The following PPP1R9A variants were observed in gnomAD, a reference collection of about 807,000 sequenced individuals.
The protein encoded by PPP1R9A is neurabin-1.
PPP1R9A carries 59 observed loss-of-function variants against 141.9 expected under a neutral mutation model. The observed-to-expected ratio is 0.42, with a 90% CI of 0.34 to 0.52. The LOEUF is 0.52. Among genes scored for constraint, PPP1R9A ranks in the 20% least tolerant of loss-of-function variants. PPP1R9A has a pLI of 0.10. For synonymous variants in PPP1R9A, 500 were observed against 569.7 expected (o/e 0.88, Z 1.74); for missense variants, 1,444 against 1,611.9 (o/e 0.90, Z 1.78).
intron 4 of PPP1R9A, among the ~76,000 whole-genome samples, chr7:95,126,453 G>C (rs1324140297): frequency 6.6e-6 from 1 of 152,140 alleles, no homozygotes; most frequent in Non-Finnish European, 1.5e-5. Flanking sequence ...GTGCACTTTT[G>C]TTTATGGTAA....
chr7:95,064,332 G>C (rs1354977090), intron 2 of PPP1R9A, among the ~76,000 whole-genome samples: 1 of 152,144 alleles, frequency 6.6e-6, no homozygotes, highest in African/African-American at 2.4e-5. Context: ...CCTGAATGAA[G>C]CTTATTTGAT....
chr7:95,202,364 T>G (rs1037835046), intron 6 of PPP1R9A, among the ~76,000 whole-genome samples: 1 of 151,838 alleles, frequency 6.6e-6, no homozygotes, highest in Non-Finnish European at 1.5e-5. Context: ...TAAAAAAAAA[T>G]GTTAAAATGG....
chr7:94,907,949 G>A (rs988102770), intron 1 of PPP1R9A: 3 of 147,868 alleles, frequency 2.0e-5, no homozygotes, highest in Non-Finnish European at 3.0e-5. Flanking sequence ...AGCGCCTGGG[G>A]GCCGACGCGC....
chr7:95,136,608 A>C (rs1825710154), intron 4 of PPP1R9A, among the ~76,000 whole-genome samples: 1 of 152,178 alleles, frequency 6.6e-6, no homozygotes, highest in Non-Finnish European at 1.5e-5. Flanking sequence ...TGGGAAAGAG[A>C]ATGGCATATA....
rs146069229 is a variant in PPP1R9A at position 95,233,174 on chromosome 7, G to A, written c.2112+7058G>A. ...GAAAATGTGGCACATATACACCATG[G>A]AATACTATGCAGTCATAAAAAAGGA... is the stretch of plus-strand genomic sequence containing the variant. On this transcript the variant is annotated intron_variant, in intron 8 of 19. Coordinates refer to ENST00000433360, the MANE Select transcript of PPP1R9A (RefSeq NM_001166160.2). Among the ~76,000 whole-genome samples the A allele has an allele frequency of 8.4e-3, 1,274 of 152,252 alleles. 26 individuals are homozygous for A. Among genetic ancestry groups the A allele is most frequent in the African/African-American group, 0.03 (1,232 of 41,526 alleles).
chr7:95,132,396 C>A (rs1368321221), intron 4 of PPP1R9A, among the ~76,000 whole-genome samples: 1 of 152,086 alleles, frequency 6.6e-6, no homozygotes, highest in Non-Finnish European at 1.5e-5. Flanking sequence ...CATCATGAAG[C>A]AATATTAGAT....
In PPP1R9A at chr7:95,217,438, T is replaced by G. The variant is rs542076103; in HGVS notation, c.1957-8523T>G. ...ATTGGTCTAAAATTCTCTTTTTTTT[T>G]GTTGTGTCTCTGCCAGGCTTTGGCA... On this transcript the variant is annotated intron_variant, in intron 7 of 19. Transcript: ENST00000433360. Among the ~76,000 whole-genome samples, 17 of 152,282 alleles carry G rather than the reference T, an allele frequency of 1.1e-4. No homozygotes were observed. In the East Asian group the frequency reaches 1.2e-3, roughly 10 times the overall value.
chr7:95,021,317 G>T (rs1292655904), intron 2 of PPP1R9A, among the ~76,000 whole-genome samples: 13 of 144,952 alleles, frequency 9.0e-5, no homozygotes, highest in South Asian at 2.2e-4. Flanking sequence ...GATGGGGTTG[G>T]TTTTTTTTTT....
intron 2 of PPP1R9A, among the ~76,000 whole-genome samples, chr7:95,096,735 C>T (rs1584666571): frequency 6.6e-6 from 1 of 152,136 alleles, no homozygotes; most frequent in African/African-American, 2.4e-5. Context: ...GTAGCCTTGG[C>T]CATGTTGGCT....
intron 2 of PPP1R9A, among the ~76,000 whole-genome samples, chr7:95,023,807 C>T (rs1278844075): frequency 2.6e-5 from 4 of 152,182 alleles, no homozygotes; most frequent in Non-Finnish European, 4.4e-5. Flanking sequence ...CCGCCTTGGC[C>T]TCCCAAAGTG....
At position 95,140,698 on chromosome 7, in the gene PPP1R9A, G is replaced by A. The variant is rs371032145; in HGVS notation, c.1649+19866G>A. On this transcript the variant is annotated intron_variant, in intron 4 of 19. Transcript: ENST00000433360. Reference sequence around the variant, plus strand: ...GACCCACCACAACTGGCCAGGAGATGAGAGTAGTTTTAGTTTTTATTTTTA... The same window carrying A: ...GACCCACCACAACTGGCCAGGAGATAAGAGTAGTTTTAGTTTTTATTTTTA... Among the ~76,000 whole-genome samples, 25 of 152,140 alleles carry A rather than the reference G, an allele frequency of 1.6e-4. No homozygotes were observed. In the South Asian group the frequency reaches 5.2e-3, roughly 32 times the overall value.
intron 2 of PPP1R9A, among the ~76,000 whole-genome samples, chr7:95,047,418 T>C (rs1810177486): frequency 6.6e-6 from 1 of 152,200 alleles, no homozygotes; most frequent in African/African-American, 2.4e-5. Flanking sequence ...GAAATTCACT[T>C]TTTGAGACAT....
At chr7:94,941,142 T>C (rs1277885085) in intron 2 of PPP1R9A, among the ~76,000 whole-genome samples, 1 of 151,986 alleles carries the variant, frequency 6.6e-6, no homozygotes, top group African/African-American at 2.4e-5. Flanking sequence ...ATAGAAGAGA[T>C]GAAAATAAAA....
intron 4 of PPP1R9A, among the ~76,000 whole-genome samples, chr7:95,144,329 T>G (rs1266353666): frequency 6.6e-6 from 1 of 152,212 alleles, no homozygotes; most frequent in Non-Finnish European, 1.5e-5. Flanking sequence ...ATTTCCTTTT[T>G]TAAGGCTGAA....
At chr7:94,916,212 A>C (rs1017241871) in intron 2 of PPP1R9A, among the ~76,000 whole-genome samples, 1 of 152,084 alleles carries the variant, frequency 6.6e-6, no homozygotes, top group African/African-American at 2.4e-5. Context: ...ATCACTTCTT[A>C]AGTGTTTCAT....
At chr7:94,945,240 C>A (rs1795772497) in intron 2 of PPP1R9A, among the ~76,000 whole-genome samples, 1 of 151,996 alleles carries the variant, frequency 6.6e-6, no homozygotes, top group Admixed American at 6.6e-5. Context: ...TGGTGCTTTT[C>A]TTTCCTTTTA....
intron 2 of PPP1R9A, among the ~76,000 whole-genome samples, chr7:95,075,569 G>T (rs1223418309): frequency 6.6e-6 from 1 of 152,116 alleles, no homozygotes. Flanking sequence ...GGTGGCTCAT[G>T]CCTGTAAAGT....
At chr7:94,962,455 G>T (rs989679927) in intron 2 of PPP1R9A, among the ~76,000 whole-genome samples, 4 of 151,726 alleles carry the variant, frequency 2.6e-5, no homozygotes, top group Non-Finnish European at 5.9e-5. Context: ...AAATATTCAA[G>T]GGTTTTCCCC....
At chr7:95,116,469 A>C (rs1301435340) in intron 3 of PPP1R9A, among the ~76,000 whole-genome samples, 1 of 152,168 alleles carries the variant, frequency 6.6e-6, no homozygotes, top group East Asian at 1.9e-4. Flanking sequence ...AATGGGAAAA[A>C]TATTTTATTT....
Sources: allele counts gnomAD v4.1 joint callset (sites outside exome capture counted in the v4.1 genomes callset), GRCh38; gene constraint gnomAD v4.1.1; transcripts MANE v1.5; gene names NCBI Gene and HGNC (gene_info 2026-07-23, HGNC 2026-07-21).